Variants in BCAS3 observed in about 807,000 individuals in gnomAD.
BCAS3 encodes BCAS4/BCAS3 fusion.
BCAS3 carries 53 observed loss-of-function variants against 116.1 expected under a neutral mutation model. The ratio of observed to expected loss-of-function variants is 0.46; its 90% CI spans 0.37 to 0.57. The LOEUF (loss-of-function observed/expected upper bound fraction) is 0.57. Among genes scored for constraint, BCAS3 ranks in the 20% least tolerant of loss-of-function variants. The pLI, the probability that BCAS3 is intolerant of heterozygous loss-of-function variation, is 0.00. For synonymous variants in BCAS3, 391 were observed against 408.2 expected (o/e 0.96, Z 0.51); for missense variants, 917 against 1,165.4 (o/e 0.79, Z 3.10).
intron 22 of BCAS3, among the ~76,000 whole-genome samples, chr17:61,116,397 G>A (rs1159563651): frequency 1.3e-5 from 2 of 151,954 alleles, no homozygotes; most frequent in Admixed American, 6.6e-5. Context: ...TTTGAGTGTA[G>A]CCCTTCTTCC....
chr17:61,177,089 G>A (rs1019805030), intron 22 of BCAS3, among the ~76,000 whole-genome samples: 1 of 152,154 alleles, frequency 6.6e-6, no homozygotes, highest in Non-Finnish European at 1.5e-5. Context: ...TGGAGCTCTT[G>A]TACATTGCTT....
chr17:61,386,750 G>C (rs1162380951), intron 23 of BCAS3, among the ~76,000 whole-genome samples: 1 of 150,046 alleles, frequency 6.7e-6, no homozygotes, highest in East Asian at 2.0e-4. Context: ...AGAACACCAA[G>C]CCCAAAGCAG....
rs2059356797 is a variant in BCAS3 at position 61,376,687 on chromosome 17, A to G, written c.2593+8193A>G. 6.6e-6 allele frequency among the ~76,000 whole-genome samples: 1 copy of G among 152,182 alleles called. No homozygotes were observed. The highest frequency in any genetic ancestry group is 1.5e-5 in the Non-Finnish European group (1 of 68,032). ...TGGCTTGGTCTGGCTCTCTTGCCAA[A>G]GTCTCTAGGCTTCTCTGGGTAATAT... On this transcript the variant is annotated intron_variant, in intron 23 of 23. Transcript: ENST00000407086. The surrounding 1 kb of genome is among the most constrained non-coding windows in gnomAD (Gnocchi z 4.5).
intron 5 of BCAS3, among the ~76,000 whole-genome samples, chr17:60,723,415 G>A (rs530847671): frequency 3.9e-5 from 6 of 151,964 alleles, no homozygotes; most frequent in African/African-American, 1.2e-4. Flanking sequence ...TAGTAGAGAC[G>A]GGGTTTTGGC....
intron 22 of BCAS3, among the ~76,000 whole-genome samples, chr17:61,102,016 T>C (rs1403318057): frequency 6.6e-6 from 1 of 152,124 alleles, no homozygotes; most frequent in Non-Finnish European, 1.5e-5. Flanking sequence ...ATGGTGTAAT[T>C]TTCACTGTAG....
At chr17:60,945,773 G>C (rs570273381) in intron 13 of BCAS3, among the ~76,000 whole-genome samples, 37 of 150,916 alleles carry the variant, frequency 2.5e-4, no homozygotes, top group Admixed American at 2.1e-3. Context: ...TGCACTCCAG[G>C]CTGGGTGACA....
At chr17:61,294,613 T>C (rs1445192974) in intron 22 of BCAS3, among the ~76,000 whole-genome samples, 2 of 152,220 alleles carry the variant, frequency 1.3e-5, no homozygotes, top group Non-Finnish European at 2.9e-5. Flanking sequence ...CTTAACATAG[T>C]TGAGTCTCAG....
At position 61,161,535 on chromosome 17, in the gene BCAS3, A is replaced by G. The variant is rs1217679646; in HGVS notation, c.2425+76971A>G. On this transcript the variant is annotated intron_variant, in intron 22 of 23. Transcript: ENST00000407086. This position sits in a 1 kb window ranked among gnomAD's most constrained non-coding sequence, Gnocchi z 4.8. ...GGGTTTAAGCAATATTTGATTGATC[A>G]TGTGATTCTATCAGTATCTTTTTTT... is the stretch of plus-strand genomic sequence containing the variant. Among the ~76,000 whole-genome samples the G allele has an allele frequency of 6.6e-6, 1 of 152,218 alleles. No homozygotes were observed. The highest frequency in any genetic ancestry group is 1.5e-5 in the Non-Finnish European group (1 of 68,030).
At chr17:61,317,324 T>G (rs1320015457) in intron 22 of BCAS3, among the ~76,000 whole-genome samples, 8 of 152,230 alleles carry the variant, frequency 5.3e-5, no homozygotes, top group Non-Finnish European at 5.9e-5. Context: ...TACAGTATGA[T>G]AGAATAAAAC....
chr17:61,347,284 G>A lies in BCAS3; in HGVS notation c.2426-21043G>A, dbSNP rs1371331050. ...TTTAGTAGAGACGGGGTTACACCGT[G>A]TTGGCCAGGCTGGTCTCGATATGCT... On this transcript the variant is annotated intron_variant, in intron 22 of 23. Transcript: ENST00000407086. The surrounding 1 kb of genome is among the most constrained non-coding windows in gnomAD (Gnocchi z 4.3). Among the ~76,000 whole-genome samples, 1 of 152,148 alleles carries A rather than the reference G, an allele frequency of 6.6e-6. No individual in the cohort carries two copies. The highest frequency in any genetic ancestry group is 1.5e-5 in the Non-Finnish European group (1 of 68,028).
Position 61,037,820 on chromosome 17 carries a change from C to T in BCAS3, c.1763-69C>T, listed in dbSNP as rs577600614. 8.2e-4 allele frequency: 1,139 copies of T among 1,388,314 alleles called. 5 individuals carry two copies. Among genetic ancestry groups the T allele is most frequent in the Middle Eastern group, 7.8e-3 (32 of 4,110 alleles). 86.0% of individuals were successfully genotyped at this position (1,388,314 alleles called of 1,614,324 possible). ...AGGAGCAGACTAATAAGATCATTAA[C>T]TTGTAAAAATTATTCTGTGCTCCAT... is the stretch of plus-strand genomic sequence containing the variant. On this transcript the variant is annotated intron_variant, in intron 17 of 23. Transcript: ENST00000407086. This position sits in a 1 kb window ranked among gnomAD's most constrained non-coding sequence, Gnocchi z 4.7.
rs1057005065 is a variant in BCAS3 at position 61,202,445 on chromosome 17, A to C, written c.2425+117881A>C. Among the ~76,000 whole-genome samples, 7 of 152,196 alleles carry C rather than the reference A, an allele frequency of 4.6e-5. No individual in the cohort carries two copies. In the South Asian group the frequency reaches 1.5e-3, roughly 32 times the overall value. On this transcript the variant is annotated intron_variant, in intron 22 of 23. Transcript: ENST00000407086. ...CTTTTCTTAACTCCCTTGAAGCCTT[A>C]ACACTCTCAACAAAGAGTTTACTTT...
intron 12 of BCAS3, among the ~76,000 whole-genome samples, chr17:60,913,663 A>G (rs970546909): frequency 6.6e-6 from 1 of 152,142 alleles, no homozygotes; most frequent in South Asian, 2.1e-4. Context: ...CAGATTGTAT[A>G]CGAAAAGCTG....
intron 22 of BCAS3, among the ~76,000 whole-genome samples, chr17:61,153,756 T>C (rs2077672511): frequency 6.6e-6 from 1 of 152,240 alleles, no homozygotes; most frequent in Non-Finnish European, 1.5e-5. Flanking sequence ...TAAACTTTGC[T>C]GTTTACCTCA....
rs935483939 is a variant in BCAS3, at chr17:61,139,580, G to A, written c.2425+55016G>A. On this transcript the variant is annotated intron_variant, in intron 22 of 23. Transcript: ENST00000407086. The surrounding 1 kb of genome is among the most constrained non-coding windows in gnomAD (Gnocchi z 4.7). ...AGAAACTCCCTTTGAAGGATTCCTT[G>A]TGTGGACTGCTTATCAGAAAAAGTG... Among the ~76,000 whole-genome samples, 17 of 152,292 alleles carry A rather than the reference G, an allele frequency of 1.1e-4. No homozygotes were observed. Among genetic ancestry groups the A allele is most frequent in the African/African-American group, 4.1e-4 (17 of 41,546 alleles).
intron 19 of BCAS3, among the ~76,000 whole-genome samples, chr17:61,043,673 C>T (rs149960930): frequency 3.3e-5 from 5 of 151,974 alleles, no homozygotes; most frequent in African/African-American, 7.2e-5. Context: ...CCTGTGTGTG[C>T]GAGAGTGCCC....
At chr17:60,762,190 G>A (rs2043607808) in intron 6 of BCAS3, among the ~76,000 whole-genome samples, 1 of 152,088 alleles carries the variant, frequency 6.6e-6, no homozygotes, top group East Asian at 1.9e-4. Context: ...CTGTGCATAA[G>A]CTCTTTAGTT....
chr17:60,734,706 C>T (rs1055294174), intron 5 of BCAS3, among the ~76,000 whole-genome samples: 10 of 152,224 alleles, frequency 6.6e-5, no homozygotes, highest in African/African-American at 2.4e-4. Flanking sequence ...TTCACCAATA[C>T]TACACTGTTT....
In BCAS3 at chr17:61,279,437, T is replaced by C. The variant is rs2051049817; in HGVS notation, c.2426-88890T>C. ...TGCACAGATCAGGGGTTCCATTCCA[T>C]TCCTTATTATTTGGGTTCTTCTTGA... is the stretch of plus-strand genomic sequence containing the variant. On this transcript the variant is annotated intron_variant, in intron 22 of 23. Transcript: ENST00000407086. The surrounding 1 kb of genome is among the most constrained non-coding windows in gnomAD (Gnocchi z 4.4). Among the ~76,000 whole-genome samples, 1 of 152,268 alleles carries C rather than the reference T, an allele frequency of 6.6e-6. No individual in the cohort carries two copies. The highest frequency in any genetic ancestry group is 2.4e-5 in the African/African-American group (1 of 41,556).
Sources: allele counts gnomAD v4.1 joint callset (sites outside exome capture counted in the v4.1 genomes callset), GRCh38; gene constraint gnomAD v4.1.1; non-coding constraint Gnocchi (gnomAD v3.1); transcripts MANE v1.5; gene names NCBI Gene and HGNC (gene_info 2026-07-23, HGNC 2026-07-21).